Variants in PEG3 observed in about 807,000 individuals in gnomAD.
PEG3 encodes paternally-expressed gene 3 protein.
PEG3 carries 23 observed loss-of-function variants against 35.5 expected under a neutral mutation model. The observed-to-expected ratio is 0.65, with a 90% CI of 0.47 to 0.92. PEG3 has a LOEUF of 0.92. Among genes scored for constraint, PEG3 ranks in the 40% least tolerant of loss-of-function variants. PEG3 has a pLI of 0.00. For missense variants in PEG3, 1,960 were observed against 1,985.3 expected (o/e 0.99, Z 0.24); for synonymous variants, 707 against 697.0 (o/e 1.01, Z -0.23).
rs761028162 is a variant in PEG3, at chr19:56,817,454, T to G, written c.988A>C (p.Arg330=). 13 of 1,613,888 alleles carry G rather than the reference T, an allele frequency of 8.1e-6. No individual in the cohort carries two copies. The highest frequency in any genetic ancestry group is 1.0e-5 in the Non-Finnish European group (12 of 1,179,890). The change falls in exon 10 of 10, where the codon AGA becomes CGA. Residue 330 remains arginine (R), a synonymous_variant. Transcript: ENST00000326441. ...KDVSRSSKSG[R]ARESSDRSQR... ...GACCGGTCGCTTGACTCCCTTGCTC[T>G]TCCCGATTTGGAACTGCGTGACACA...
intron 4 of PEG3, 130 bp downstream of exon 4, chr19:56,824,132 C>T: frequency 6.9e-7 from 1 of 1,441,110 alleles, no homozygotes. Flanking sequence ...CCACAGTACA[C>T]AGGACATCCC....
chr19:56,818,039 C>T (rs1184166238), intron 8 of PEG3, among the ~76,000 whole-genome samples: 2 of 152,226 alleles, frequency 1.3e-5, no homozygotes, highest in Non-Finnish European at 2.9e-5. Context: ...ATTCTTCTGA[C>T]TCCACTCAGA....
At chr19:56,840,210 C>G (rs866005243) in intron 1 of PEG3, among the ~76,000 whole-genome samples, 1 of 152,204 alleles carries the variant, frequency 6.6e-6, no homozygotes, top group African/African-American at 2.4e-5. Context: ...CGTGGCAGAG[C>G]CCCCGGCTGT....
In PEG3 at chr19:56,814,055, C is replaced by A; in HGVS notation, c.4387G>T (p.Glu1463Ter). The change falls in exon 10 of 10, where the codon GAA becomes TAA. Residue 1463 changes from glutamate (E) to a stop codon, truncating the protein, a stop_gained. Transcript: ENST00000326441. LOFTEE classifies it low-confidence loss of function (END_TRUNC). The surrounding 1 kb of genome is among the most constrained non-coding windows in gnomAD (Gnocchi z 5.8). ...PDGAGIEDPE[E>*]RAEEPEGKAE... ...TTTCCCTCTGGCTCTTCAGCTCTTT[C>A]TTCTGGGTCTTCAATACCTGCACCA... 1 of 1,614,202 alleles carries A rather than the reference C, an allele frequency of 6.2e-7. No individual in the cohort carries two copies. The highest frequency in any genetic ancestry group is 8.5e-7 in the Non-Finnish European group (1 of 1,180,048).
At chr19:56,832,072 AAT>A (rs1359168054) in intron 2 of PEG3, among the ~76,000 whole-genome samples, 1 of 152,252 alleles carries the variant, frequency 6.6e-6, no homozygotes, top group Non-Finnish European at 1.5e-5. Flanking sequence ...CTATTCATAA[AAT>A]AGAGGAAATC....
At position 56,816,130 on chromosome 19, in the gene PEG3, G is replaced by A; in HGVS notation, c.2312C>T (p.Ala771Val). 1 of 1,613,458 alleles carries A rather than the reference G, an allele frequency of 6.2e-7. No homozygotes were observed. The highest frequency in any genetic ancestry group is 1.7e-5 in the Admixed American group (1 of 59,946). Residue 771 changes from alanine (A) to valine (V), a missense_variant, in exon 10 of 10, where the codon GCA becomes GTA. This residue lies in a region of PEG3 where 798 missense variants were observed against 782.4 expected (regional missense o/e 1.02). Coordinates refer to ENST00000326441, the MANE Select transcript of PEG3 (RefSeq NM_006210.3). ...AATAACAGACCTCTCATATGATTTT[G>A]CCTCATAGACATTTTCCTTAGTGGG... ...KIPTKENVYE[A>V]KSYERSVIHS... is the part of the protein sequence containing the mutation.
intron 3 of PEG3, among the ~76,000 whole-genome samples, chr19:56,825,389 T>A (rs1011884726): frequency 3.9e-5 from 6 of 152,356 alleles, no homozygotes; most frequent in Middle Eastern, 3.4e-3. Context: ...TCTTTTGCCT[T>A]CATCAATCTT....
Position 56,814,553 on chromosome 19 carries a change from G to A in PEG3, c.3889C>T (p.Leu1297Phe). The change falls in exon 10 of 10, where the codon CTT (leucine) becomes TTT (phenylalanine). Residue 1297 changes from leucine to phenylalanine, a missense_variant. Leu to Phe is a conservative substitution (Grantham distance 22). This residue lies in a region of PEG3 where 416 missense variants were observed against 416.7 expected (regional missense o/e 1.00). Coordinates refer to ENST00000326441, the MANE Select transcript of PEG3 (RefSeq NM_006210.3). The surrounding 1 kb of genome is among the most constrained non-coding windows in gnomAD (Gnocchi z 5.8). ...CGESFVNPAE[L>F]ADHVTVHKNE... ...TTATGAACAGTTACGTGATCTGCAAGTTCTGCTGGGTTGACGAAAGATTCT... is the reference window on the plus strand; with the variant it reads ...TTATGAACAGTTACGTGATCTGCAAATTCTGCTGGGTTGACGAAAGATTCT... 6.2e-7 allele frequency: 1 copy of A among 1,613,814 alleles called. No individual in the cohort carries two copies. The highest frequency in any genetic ancestry group is 1.1e-5 in the South Asian group (1 of 91,056).
At chr19:56,836,963 C>CT (rs2062188461) in intron 1 of PEG3, among the ~76,000 whole-genome samples, 1 of 106,736 alleles carries the variant, frequency 9.4e-6, no homozygotes, top group South Asian at 3.2e-4. Context: ...GGGCCAGACT[C>CT]TGTCTCAAAA....
Position 56,810,185 on chromosome 19 carries a change from T to TG in PEG3, c.*3489_*3490insC, listed in dbSNP as rs1231563062. On this transcript the variant is annotated 3_prime_UTR_variant, in exon 10 of 10. Transcript: ENST00000326441. ...GTGCACAGAAACAAGATGAAGAAAA[T>TG]ATATCAAGATGTTAACCACACTCTT... 1 of 979,606 alleles carries TG rather than the reference T, an allele frequency of 1.0e-6. No individual in the cohort carries two copies. The highest frequency in any genetic ancestry group is 1.2e-6 in the Non-Finnish European group (1 of 824,946). The allele number at this position is 979,606 out of a possible 1,614,324, so 60.7% of individuals were successfully genotyped here. A position where few individuals can be genotyped will look rare whatever the true frequency, so the allele number is the denominator to read the frequency against.
At chr19:56,818,558 CA>C (rs2060195204) in intron 8 of PEG3, 41 bp downstream of exon 8, 1 of 1,607,146 alleles carries the variant, frequency 6.2e-7, no homozygotes, top group East Asian at 2.2e-5. Flanking sequence ...CAAAATGCTC[CA>C]ATGACTGGAC....
chr19:56,811,736 C>T lies in PEG3; in HGVS notation c.*1939G>A. 1.0e-6 allele frequency: 1 copy of T among 985,570 alleles called. No individual in the cohort carries two copies. Among genetic ancestry groups the T allele is most frequent in the Non-Finnish European group, 1.2e-6 (1 of 830,020 alleles). The allele number at this position is 985,570 out of a possible 1,614,324, so 61.1% of individuals were successfully genotyped here. ...CAGCTTTCCCGATGTCCGTTCCAAC[C>T]TCAGTCCTTCCTATGCAGCCAGCCC... is the stretch of plus-strand genomic sequence containing the variant. On this transcript the variant is annotated 3_prime_UTR_variant, in exon 10 of 10. Transcript: ENST00000326441.
rs763845364 is a variant in PEG3 at position 56,816,752 on chromosome 19, C to T, written c.1690G>A (p.Glu564Lys). The change falls in exon 10 of 10, where the codon GAG (glutamate) becomes AAG (lysine). Residue 564 changes from glutamate to lysine, a missense_variant. Glu to Lys is a moderately conservative substitution (Grantham distance 56). This residue lies in a region of PEG3 where 798 missense variants were observed against 782.4 expected (regional missense o/e 1.02). Coordinates refer to ENST00000326441, the MANE Select transcript of PEG3 (RefSeq NM_006210.3). The stretch of plus-strand genomic sequence containing the variant: ...AAGGTTTCCTTACACACCCTGCACT[C>T]GTAGAATTTGTCTTTGCCATATATT... ...QKIYGKDKFY[E>K]CRVCKETFLH... 9 of 1,614,120 alleles carry T rather than the reference C, an allele frequency of 5.6e-6. No homozygotes were observed. Among genetic ancestry groups the T allele is most frequent in the South Asian group, 3.3e-5 (3 of 91,084 alleles).
intron 2 of PEG3, among the ~76,000 whole-genome samples, chr19:56,828,650 G>A (rs1239122574): frequency 6.6e-6 from 1 of 152,148 alleles, no homozygotes; most frequent in Non-Finnish European, 1.5e-5. Context: ...AAAGGGAGGG[G>A]GAAAAGTATT....
At chr19:56,819,400 A>G (rs573299342) in intron 7 of PEG3, among the ~76,000 whole-genome samples, 1 of 152,312 alleles carries the variant, frequency 6.6e-6, no homozygotes, top group Admixed American at 6.5e-5. Context: ...GGAATTTTAA[A>G]ATTCCTCACA....
chr19:56,835,461 T>C (rs1490338213), intron 2 of PEG3, among the ~76,000 whole-genome samples: 1 of 152,178 alleles, frequency 6.6e-6, no homozygotes, highest in Admixed American at 6.5e-5. Context: ...ACTCTCCCCA[T>C]GACACACACC....
intron 1 of PEG3, among the ~76,000 whole-genome samples, chr19:56,838,399 A>G (rs1279309173): frequency 6.6e-6 from 1 of 152,140 alleles, no homozygotes; most frequent in Admixed American, 6.5e-5. Flanking sequence ...AGAGGCGGTG[A>G]GGGGCAGTGG....
At chr19:56,821,891 G>T in intron 6 of PEG3, 137 bp from the exon 7 acceptor site, 1 of 916,072 alleles carries the variant, frequency 1.1e-6, no homozygotes, top group Non-Finnish European at 1.7e-6. Flanking sequence ...TGCATTCTGT[G>T]GCAGCCTCTG....
chr19:56,819,093 G>A (rs926405544), intron 7 of PEG3, among the ~76,000 whole-genome samples: 1 of 152,180 alleles, frequency 6.6e-6, no homozygotes, highest in African/African-American at 2.4e-5. Context: ...AGGGCAGGTG[G>A]GGCCTTAAGT....
Sources: gnomAD v4.1 joint callset for allele counts (sites outside exome capture counted in the v4.1 genomes callset) on GRCh38, gnomAD v4.1.1 for gene constraint, gnomAD v4.1.1 regional missense constraint, Gnocchi (gnomAD v3.1) non-coding constraint, MANE v1.5 for transcripts, NCBI Gene and HGNC (gene_info 2026-07-23, HGNC 2026-07-21) for gene names.